Variants in FAM107B observed in about 807,000 individuals in gnomAD.
FAM107B encodes family with sequence similarity 107 member B.
Under a neutral mutation model 31.5 loss-of-function variants are expected in FAM107B, and 21 were observed. The observed-to-expected ratio is 0.67, with a 90% confidence interval of 0.47 to 0.96. The LOEUF (loss-of-function observed/expected upper bound fraction) is 0.96, where lower values mean the gene tolerates loss of function less well. FAM107B is among the 40% of genes least tolerant of loss of function. The probability of loss-of-function intolerance (pLI) is 0.00; values close to 1 mark genes in which losing one functional copy is unlikely to be tolerated. For synonymous variants in FAM107B, 157 were observed against 141.5 expected (o/e 1.11, Z -0.78); for missense variants, 452 against 377.1 (o/e 1.20, Z -1.64).
intron 1 of FAM107B, among the ~76,000 whole-genome samples, chr10:14,680,291 G>T (rs1050722638): frequency 6.6e-6 from 1 of 151,960 alleles, no homozygotes; most frequent in East Asian, 1.9e-4. Flanking sequence ...AGCCAGAGAG[G>T]GGCCGGGTGC....
intron 2 of FAM107B, among the ~76,000 whole-genome samples, chr10:14,637,231 GGCAGT>G (rs1853523011): frequency 6.6e-6 from 1 of 152,062 alleles, no homozygotes; most frequent in South Asian, 2.1e-4. Context: ...CTTTCCCTGT[GGCAGT>G]CTGATTTTTG....
At chr10:14,668,886 A>G (rs1359867551) in intron 1 of FAM107B, among the ~76,000 whole-genome samples, 1 of 152,234 alleles carries the variant, frequency 6.6e-6, no homozygotes, top group Non-Finnish European at 1.5e-5. Context: ...ATAATAAAGT[A>G]TATGGGTGTA....
intron 2 of FAM107B, among the ~76,000 whole-genome samples, chr10:14,603,029 AC>A (rs1588651724): frequency 1.3e-5 from 2 of 151,172 alleles, no homozygotes; most frequent in South Asian, 4.2e-4. Context: ...ACACACACAC[AC>A]AAACACACTA....
chr10:14,662,501 C>T (rs1588691392), intron 2 of FAM107B, among the ~76,000 whole-genome samples: 1 of 152,038 alleles, frequency 6.6e-6, no homozygotes, highest in African/African-American at 2.4e-5. Flanking sequence ...ATCAGCCTCC[C>T]CAGTAGCTGG....
chr10:14,579,421 T>C (rs1588629074), intron 2 of FAM107B, among the ~76,000 whole-genome samples: 1 of 152,228 alleles, frequency 6.6e-6, no homozygotes, highest in Admixed American at 6.5e-5. Context: ...CTAAACCCTC[T>C]ATTGCAAAGT....
Position 14,774,580 on chromosome 10 carries a change from G to A in FAM107B, c.84C>T (p.Leu28=), listed in dbSNP as rs148396147. ...TCTCCCTCGTATTCCCAAAACAGGC[G>A]AGCAGAGCTGAGCACGGAAATGGAT... is the stretch of plus-strand genomic sequence containing the variant. ...SMHPFPCSAL[L]ACFGNTRESA... Residue 28 remains leucine (L), a synonymous_variant, in exon 1 of 5, where the codon CTC becomes CTT. Transcript: ENST00000181796. 6.2e-6 allele frequency: 10 copies of A among 1,614,064 alleles called. No individual in the cohort carries two copies. Among genetic ancestry groups the A allele is most frequent in the Non-Finnish European group, 6.8e-6 (8 of 1,180,044 alleles).
chr10:14,761,502 C>T (rs1479678188), intron 1 of FAM107B, among the ~76,000 whole-genome samples: 2 of 152,118 alleles, frequency 1.3e-5, no homozygotes, highest in African/African-American at 2.4e-5. Flanking sequence ...TGAGATAATA[C>T]GTCTGCATAG....
At chr10:14,695,153 G>T (rs181345535) in intron 1 of FAM107B, among the ~76,000 whole-genome samples, 236 of 152,120 alleles carry the variant, frequency 1.6e-3, no homozygotes, top group African/African-American at 4.7e-3. Context: ...TAGGTCTTTT[G>T]TCCCTTTTGA....
At chr10:14,563,919 A>T (rs1173490454) in intron 2 of FAM107B, among the ~76,000 whole-genome samples, 2 of 152,248 alleles carry the variant, frequency 1.3e-5, no homozygotes, top group African/African-American at 2.4e-5. Flanking sequence ...ACTTTAAAAA[A>T]TCACTAAAGA....
intron 2 of FAM107B, among the ~76,000 whole-genome samples, chr10:14,621,506 C>T (rs1302542099): frequency 6.6e-6 from 1 of 152,094 alleles, no homozygotes; most frequent in Admixed American, 6.5e-5. Context: ...AAGCCAACGC[C>T]ACAGGGCAAG....
At chr10:14,643,849 C>T (rs767762664) in intron 2 of FAM107B, among the ~76,000 whole-genome samples, 26 of 152,210 alleles carry the variant, frequency 1.7e-4, no homozygotes, top group Non-Finnish European at 2.4e-4. Context: ...AACTAATCAT[C>T]GCACAGACCC....
In FAM107B at chr10:14,669,574, A is replaced by G. The variant is rs921925918; in HGVS notation, c.412-1883T>C. Reference sequence around the variant, plus strand: ...ATGGAATACTATTTGGCCATAAAAAAAAGAATGAAACTCTGTCATTTGCAG... The same window carrying G: ...ATGGAATACTATTTGGCCATAAAAAGAAGAATGAAACTCTGTCATTTGCAG... On this transcript the variant is annotated intron_variant, in intron 1 of 4. Transcript: ENST00000181796. Among the ~76,000 whole-genome samples, 7 of 152,222 alleles carry G rather than the reference A, an allele frequency of 4.6e-5. No homozygotes were observed. The East Asian group carries it at 1.3e-3, about 29-fold the overall frequency.
At chr10:14,638,839 T>C (rs1853563801) in intron 2 of FAM107B, among the ~76,000 whole-genome samples, 1 of 152,216 alleles carries the variant, frequency 6.6e-6, no homozygotes, top group Admixed American at 6.5e-5. Context: ...TGCATTCTCA[T>C]GTCCTCAACT....
In FAM107B at chr10:14,632,413, C is replaced by A. The variant is rs192750690; in HGVS notation, c.469+35221G>T. On this transcript the variant is annotated intron_variant, in intron 2 of 4. Coordinates refer to ENST00000181796, the MANE Select transcript of FAM107B (RefSeq NM_031453.4). ...GATCATGAGGTCAGGAGATCGAGAC[C>A]ATCCTGATTAACACGGTGAATCCCC... Among the ~76,000 whole-genome samples the A allele has an allele frequency of 6.7e-3, 1,004 of 150,904 alleles. 8 individuals carry two copies. The highest frequency in any genetic ancestry group is 0.023 in the African/African-American group (926 of 41,036).
At chr10:14,566,654 C>A (rs1588606101) in intron 2 of FAM107B, among the ~76,000 whole-genome samples, 1 of 152,216 alleles carries the variant, frequency 6.6e-6, no homozygotes, top group Admixed American at 6.5e-5. Context: ...AGTGTGCAAT[C>A]ATTTGCTGTG....
intron 1 of FAM107B, among the ~76,000 whole-genome samples, chr10:14,757,831 G>A (rs764952592): frequency 5.9e-5 from 9 of 152,210 alleles, no homozygotes; most frequent in Non-Finnish European, 1.3e-4. Context: ...TCTAGAGAAG[G>A]AAGGATAAAA....
At chr10:14,571,233 A>G (rs1309805236) in intron 2 of FAM107B, among the ~76,000 whole-genome samples, 1 of 152,160 alleles carries the variant, frequency 6.6e-6, no homozygotes, top group African/African-American at 2.4e-5. Context: ...CCCTCCTCCT[A>G]AAACCATAAC....
intron 1 of FAM107B, chr10:14,723,603 A>C: frequency 1.5e-6 from 1 of 686,274 alleles, no homozygotes; most frequent in Middle Eastern, 4.0e-4. Context: ...ACAGAGGGGA[A>C]TCTGTGTGAC....
intron 2 of FAM107B, among the ~76,000 whole-genome samples, chr10:14,642,696 A>G (rs1300986308): frequency 6.6e-6 from 1 of 152,194 alleles, no homozygotes; most frequent in African/African-American, 2.4e-5. Context: ...TCCTTCTTCA[A>G]TTAATGTTTC....
Sources: allele counts gnomAD v4.1 joint callset (sites outside exome capture counted in the v4.1 genomes callset), GRCh38; gene constraint gnomAD v4.1.1; transcripts MANE v1.5; gene names NCBI Gene and HGNC (gene_info 2026-07-23, HGNC 2026-07-21).